The following WDR35 variants were observed in gnomAD, a reference collection of about 807,000 sequenced individuals.
The protein encoded by WDR35 is WD repeat-containing protein 35.
Under a neutral mutation model 158.3 loss-of-function variants are expected in WDR35, and 118 were observed. The ratio of observed to expected loss-of-function variants is 0.75; its 90% CI spans 0.64 to 0.87. The LOEUF is 0.87. Among genes scored for constraint, WDR35 ranks in the 40% least tolerant of loss-of-function variants. The pLI, the probability that WDR35 is intolerant of heterozygous loss-of-function variation, is 0.00. For missense variants in WDR35, 1,263 were observed against 1,405.8 expected, an observed-to-expected ratio of 0.90 and a Z score of 1.62; for synonymous variants, 448 against 476.1, an observed-to-expected ratio of 0.94 and a Z score of 0.77.
At chr2:19,985,011 T>C (rs1422123858) in intron 2 of WDR35, among the ~76,000 whole-genome samples, 2 of 152,208 alleles carry the variant, frequency 1.3e-5, no homozygotes, top group African/African-American at 2.4e-5. Context: ...TATGCATCCC[T>C]GGGTCTAGCT....
intron 17 of WDR35, 89 bp from the exon 18 acceptor site, chr2:19,938,490 A>G (rs1670770058): frequency 1.1e-5 from 16 of 1,489,786 alleles, no homozygotes; most frequent in Non-Finnish European, 1.4e-5. Context: ...AACAAAACAA[A>G]ACAAGAAAAA....
chr2:19,931,517 AG>A, intron 23 of WDR35, 108 bp from the exon 24 acceptor site: 3 of 1,239,212 alleles, frequency 2.4e-6, no homozygotes, highest in Non-Finnish European at 2.3e-6. Flanking sequence ...GAGGAAAATC[AG>A]TAAGATGGAA....
At chr2:19,938,505 G>A (rs1047342528) in intron 17 of WDR35, 104 bp from the exon 18 acceptor site, 7 of 1,407,804 alleles carry the variant, frequency 5.0e-6, no homozygotes, top group East Asian at 4.9e-5. Flanking sequence ...GAAAAAAAAC[G>A]GCATCATATT....
intron 2 of WDR35, 106 bp from the exon 3 acceptor site, chr2:19,982,640 T>C (rs377304414): frequency 1.8e-6 from 2 of 1,124,836 alleles, no homozygotes; most frequent in African/African-American, 3.1e-5. Context: ...TTTTTCTAAG[T>C]ATGCCCCATT....
rs913648854 is a variant in WDR35 at position 19,953,868 on chromosome 2, G to C, written c.1366C>G (p.Gln456Glu). ...CCTTCTTTTCGAGACCGTGTGATCT[G>C]ATTAATTTCCAATGCTGTGAGCTTC... ...AKKLTALEIN[Q>E]ITRSRKEGRE... The change falls in exon 12 of 27, where the codon CAG becomes GAG. Residue 456 changes from glutamine (Q) to glutamate (E), a missense_variant. Gln to Glu is a conservative substitution (Grantham distance 29). Coordinates refer to ENST00000281405, the MANE Select transcript of WDR35 (RefSeq NM_020779.4). The C allele has an allele frequency of 9.3e-6, 15 of 1,614,000 alleles. No individual in the cohort carries two copies. The highest frequency in any genetic ancestry group is 1.3e-5 in the African/African-American group (1 of 74,916).
intron 2 of WDR35, among the ~76,000 whole-genome samples, chr2:19,984,223 T>C: frequency 6.6e-6 from 1 of 152,218 alleles, no homozygotes; most frequent in East Asian, 1.9e-4. Flanking sequence ...ATTGAACAAA[T>C]ATCATCCACA....
At chr2:19,938,214 C>A in intron 18 of WDR35, 51 bp downstream of exon 18, 1 of 1,613,112 alleles carries the variant, frequency 6.2e-7, no homozygotes, top group Non-Finnish European at 8.5e-7. Flanking sequence ...AAAACTGAGA[C>A]TTTAAAAACC....
At chr2:19,978,316 C>A (rs1672274057) in intron 5 of WDR35, among the ~76,000 whole-genome samples, 1 of 152,032 alleles carries the variant, frequency 6.6e-6, no homozygotes, top group African/African-American at 2.4e-5. Context: ...TCAGAAGACC[C>A]AGTTTTATCT....
Position 19,990,005 on chromosome 2 carries a change from T to G in WDR35, c.11A>C (p.Tyr4Ser). The change falls in exon 1 of 27, where the codon TAC becomes TCC. Residue 4 changes from tyrosine to serine, a missense_variant. Physicochemically the swap from Tyr to Ser is moderately radical, Grantham distance 144 (BLOSUM62 -2). Transcript: ENST00000281405. ...CAGGAAACTCACTTTCTTGCTCAGG[T>G]AGAAGAACATCGTGGGATCCCCGAG... MFF[Y>S]LSKKISIPNN... 2 of 1,613,984 alleles carry G rather than the reference T, an allele frequency of 1.2e-6. No homozygotes were observed. Among genetic ancestry groups the G allele is most frequent in the Non-Finnish European group, 1.7e-6 (2 of 1,179,954 alleles).
chr2:19,933,338 C>G, intron 22 of WDR35, 63 bp downstream of exon 22: 1 of 1,388,610 alleles, frequency 7.2e-7, no homozygotes, highest in Non-Finnish European at 1.0e-6. Context: ...TGACTTTAAC[C>G]TTGCTTTGAC....
chr2:19,951,388 T>A, intron 13 of WDR35, 27 bp downstream of exon 13: 3 of 1,568,706 alleles, frequency 1.9e-6, no homozygotes, highest in Non-Finnish European at 2.6e-6. Context: ...GATATTAACA[T>A]TTTCTGGAAA....
rs1242630575 is a variant in WDR35, at chr2:19,974,630, T to C, written c.574A>G (p.Lys192Glu). The change falls in exon 7 of 27, where the codon AAA (lysine) becomes GAA (glutamate). Residue 192 changes from lysine (K) to glutamate (E), a missense_variant. Physicochemically the swap from Lys to Glu is moderately conservative, Grantham distance 56. Coordinates refer to ENST00000281405, the MANE Select transcript of WDR35 (RefSeq NM_020779.4). Reference sequence around the variant, plus strand: ...TTCACCAAACAACTCAGTTTCATTTTTATCTAAATAAAATTGGTTAGGTTT... The same window carrying C: ...TTCACCAAACAACTCAGTTTCATTTCTATCTAAATAAAATTGGTTAGGTTT... ...IYDNQGNFMI[K>E]MKLSCLVNVT... 6.2e-7 allele frequency: 1 copy of C among 1,613,008 alleles called. No individual in the cohort carries two copies.
Position 19,913,456 on chromosome 2 carries a change from T to C in WDR35, c.*102A>G, listed in dbSNP as rs920851838. The C allele has an allele frequency of 2.7e-5, 40 of 1,472,960 alleles. No individual in the cohort carries two copies. The Admixed American group carries it at 6.6e-4, about 24-fold the overall frequency. 91.2% of individuals were successfully genotyped at this position (1,472,960 alleles called of 1,614,324 possible). A position where few individuals can be genotyped will look rare whatever the true frequency, so the allele number is the denominator to read the frequency against. On this transcript the variant is annotated 3_prime_UTR_variant, in exon 27 of 27. Coordinates refer to ENST00000281405, the MANE Select transcript of WDR35 (RefSeq NM_020779.4). ...TTCAACTATAAATAATGAGGCTGAT[T>C]TTCATACAAAACTCACAGAAATAAA...
At chr2:19,954,195 T>A (rs987196945) in intron 11 of WDR35, among the ~76,000 whole-genome samples, 1 of 152,168 alleles carries the variant, frequency 6.6e-6, no homozygotes. Context: ...AATCAGAGAC[T>A]CAAATGCTAA....
In WDR35 at chr2:19,989,884, G is replaced by A. The variant is rs535244888; in HGVS notation, c.24+108C>T. ...GGAAGGATGGCTGCGGAATGGCGAAGCCACGACCAGGACCGGGTGAAGGAG... is the reference window on the plus strand; with the variant it reads ...GGAAGGATGGCTGCGGAATGGCGAAACCACGACCAGGACCGGGTGAAGGAG... On this transcript the variant is annotated intron_variant, in intron 1 of 26. Transcript: ENST00000281405. 725 of 1,547,834 alleles carry A rather than the reference G, an allele frequency of 4.7e-4. No individual in the cohort carries two copies. In the African/African-American group the frequency reaches 8.8e-3, roughly 19 times the overall value.
chr2:19,922,954 T>C (rs1379300230), intron 25 of WDR35, among the ~76,000 whole-genome samples: 1 of 152,218 alleles, frequency 6.6e-6, no homozygotes, highest in Non-Finnish European at 1.5e-5. Context: ...ACCAGTAGCA[T>C]GAGTGATCTG....
At chr2:19,953,807 C>T (rs1671326669) in intron 12 of WDR35, 27 bp downstream of exon 12, 2 of 1,613,756 alleles carry the variant, frequency 1.2e-6, no homozygotes, top group Non-Finnish European at 1.7e-6. Context: ...GGTTGAGCTA[C>T]TAAAAAGTAT....
rs1326423370 is a variant in WDR35, at chr2:19,933,442, G to A, written c.2617C>T (p.Gln873Ter). 2 of 1,613,950 alleles carry A rather than the reference G, an allele frequency of 1.2e-6. No individual in the cohort carries two copies. Among genetic ancestry groups the A allele is most frequent in the Admixed American group, 1.7e-5 (1 of 60,008 alleles). Residue 873 changes from glutamine (Q) to a stop codon, truncating the protein, a stop_gained, in exon 22 of 27, where the codon CAA becomes TAA. Transcript: ENST00000281405. LOFTEE classifies it high-confidence loss of function. ...QAVTAFLKCS[Q>*]PKAAVDTCVH... ...CAGGTATCTACTGCTGCCTTTGGTTGACTACATTTCAAAAATGCAGTCACT... is the reference window on the plus strand; with the variant it reads ...CAGGTATCTACTGCTGCCTTTGGTTAACTACATTTCAAAAATGCAGTCACT...
At chr2:19,926,043 C>G (rs1670345738) in intron 25 of WDR35, among the ~76,000 whole-genome samples, 1 of 152,190 alleles carries the variant, frequency 6.6e-6, no homozygotes, top group Non-Finnish European at 1.5e-5. Context: ...GGGCACATAG[C>G]TCCAACATTT....
Sources: allele counts gnomAD v4.1 joint callset (sites outside exome capture counted in the v4.1 genomes callset), GRCh38; gene constraint gnomAD v4.1.1; transcripts MANE v1.5; gene names NCBI Gene and HGNC (gene_info 2026-07-23, HGNC 2026-07-21).